The following LUZP2 variants were observed in gnomAD, a reference collection of about 807,000 sequenced individuals.
LUZP2 encodes the protein leucine zipper protein 2.
In LUZP2, 52 loss-of-function variants were observed where a neutral mutation model predicts 51.6. The observed-to-expected ratio is 1.01, with a 90% CI of 0.81 to 1.27. The LOEUF is 1.27. Ranked by LOEUF, LUZP2 falls within the 50% of genes most tolerant of loss-of-function variation. The pLI is 0.00. For missense variants in LUZP2, 436 were observed against 395.4 expected (o/e 1.10, Z -0.87); for synonymous variants, 154 against 137.3 (o/e 1.12, Z -0.85).
At chr11:24,505,227 A>G (rs1009947027) in intron 1 of LUZP2, among the ~76,000 whole-genome samples, 5 of 152,228 alleles carry the variant, frequency 3.3e-5, no homozygotes, top group African/African-American at 9.6e-5. Flanking sequence ...TTCTGATTCA[A>G]AACATACTGT....
intron 9 of LUZP2, among the ~76,000 whole-genome samples, chr11:25,015,650 C>T (rs1857127195): frequency 6.6e-6 from 1 of 152,022 alleles, no homozygotes; most frequent in Non-Finnish European, 1.5e-5. Flanking sequence ...TTGTAAATAA[C>T]ACGACAGAGG....
Position 24,644,165 on chromosome 11 carries a change from A to G in LUZP2, c.63-85004A>G, listed in dbSNP as rs776199354. ...GAACGTGCTACAGTTAGTCTACCAC[A>G]CTTCTAGAAATTCACACTCTTTAGC... On this transcript the variant is annotated intron_variant, in intron 1 of 11. Coordinates refer to ENST00000336930, the MANE Select transcript of LUZP2 (RefSeq NM_001009909.4). Among the ~76,000 whole-genome samples, 66 of 152,128 alleles carry G rather than the reference A, an allele frequency of 4.3e-4. 1 individual carries two copies. The highest frequency in any genetic ancestry group is 3.7e-4 in the Non-Finnish European group (25 of 68,032).
rs145052746 is a variant in LUZP2 at position 24,707,770 on chromosome 11, C to T, written c.63-21399C>T. ...GTAAGGGTTGTTATATATAAAGTTT[C>T]GGTACCGCAAAAGAAATAGCACTCG... On this transcript the variant is annotated intron_variant, in intron 1 of 11. Coordinates refer to ENST00000336930, the MANE Select transcript of LUZP2 (RefSeq NM_001009909.4). 4.2e-3 allele frequency among the ~76,000 whole-genome samples: 642 copies of T among 152,188 alleles called. 8 individuals carry two copies. The highest frequency in any genetic ancestry group is 0.015 in the African/African-American group (607 of 41,532).
intron 10 of LUZP2, among the ~76,000 whole-genome samples, chr11:25,056,950 A>T (rs1391616274): frequency 6.6e-6 from 1 of 152,080 alleles, no homozygotes; most frequent in Admixed American, 6.5e-5. Flanking sequence ...AATACAAAAA[A>T]TTAGCTGGGC....
At position 24,983,816 on chromosome 11, in the gene LUZP2, A is replaced by ATTT. The variant is rs55772245; in HGVS notation, c.765+533_765+535dup. ...TTTTTTCCCAGACCTATTAAATTAGATTTTTTTTTTTTGAGTTAGACTCCA... is the reference window on the plus strand; with the variant it reads ...TTTTTTCCCAGACCTATTAAATTAGATTTTTTTTTTTTTTTGAGTTAGACTCCA... On this transcript the variant is annotated intron_variant, in intron 9 of 11. Coordinates refer to ENST00000336930, the MANE Select transcript of LUZP2 (RefSeq NM_001009909.4). Among the ~76,000 whole-genome samples, 300 of 146,020 alleles carry ATTT rather than the reference A, an allele frequency of 2.1e-3. 1 individual carries two copies. In the East Asian group the frequency reaches 0.025, roughly 12 times the overall value.
chr11:24,733,267 A>G (rs930280703), intron 3 of LUZP2, among the ~76,000 whole-genome samples: 1 of 151,810 alleles, frequency 6.6e-6, no homozygotes, highest in Non-Finnish European at 1.5e-5. Flanking sequence ...GTCTAATATT[A>G]AGAAAAACTT....
At chr11:24,638,752 G>A (rs992807814) in intron 1 of LUZP2, among the ~76,000 whole-genome samples, 24 of 151,402 alleles carry the variant, frequency 1.6e-4, no homozygotes, top group Non-Finnish European at 3.2e-4. Flanking sequence ...GGAACTGATT[G>A]TTTAAAAAAT....
intron 1 of LUZP2, among the ~76,000 whole-genome samples, chr11:24,633,695 T>C (rs1366494280): frequency 1.3e-5 from 2 of 151,924 alleles, no homozygotes; most frequent in Non-Finnish European, 2.9e-5. Flanking sequence ...AATGTTGACC[T>C]TTTATATATT....
intron 1 of LUZP2, among the ~76,000 whole-genome samples, chr11:24,538,308 C>A (rs1322869923): frequency 6.6e-6 from 1 of 151,358 alleles, no homozygotes; most frequent in East Asian, 1.9e-4. Flanking sequence ...TAAAAATTAG[C>A]TCCAAATGTT....
At chr11:24,913,146 A>C (rs2133799747) in intron 6 of LUZP2, among the ~76,000 whole-genome samples, 1 of 152,268 alleles carries the variant, frequency 6.6e-6, no homozygotes, top group Admixed American at 6.5e-5. Context: ...TTTTTTCATT[A>C]CCCTCCAAAA....
rs1294450206 is a variant in LUZP2 at position 24,983,199 on chromosome 11, C to T, written c.671C>T (p.Pro224Leu). ...LTSVFRDQPP[P>L]PLSLITSNPT... is the part of the protein sequence containing the mutation. ...TCTGTTTTCCGTGATCAGCCTCCTC[C>T]CCCTTTGAGTTTAATCACATCAAAT... Residue 224 changes from proline to leucine, a missense_variant, in exon 9 of 12, where the codon CCC (proline) becomes CTC (leucine). Physicochemically the swap from Pro to Leu is moderately conservative, Grantham distance 98. Coordinates refer to ENST00000336930, the MANE Select transcript of LUZP2 (RefSeq NM_001009909.4). 1.2e-6 allele frequency: 2 copies of T among 1,612,170 alleles called. No homozygotes were observed. The highest frequency in any genetic ancestry group is 1.7e-6 in the Non-Finnish European group (2 of 1,178,866).
chr11:24,819,056 A>T (rs1850277130), intron 5 of LUZP2, among the ~76,000 whole-genome samples: 1 of 152,126 alleles, frequency 6.6e-6, no homozygotes, highest in Admixed American at 6.6e-5. Flanking sequence ...TATAATAGAT[A>T]TACAGGGAAG....
At position 24,729,400 on chromosome 11, in the gene LUZP2, G is replaced by T. The variant is rs1382247844; in HGVS notation, c.180+114G>T. ...TAATGTGTTTCTGGGCTTGACCATG[G>T]TGGTTGTTACTTACTATTATATGTG... On this transcript the variant is annotated intron_variant, in intron 2 of 11. Coordinates refer to ENST00000336930, the MANE Select transcript of LUZP2 (RefSeq NM_001009909.4). 7.5e-6 allele frequency: 4 copies of T among 534,528 alleles called. No homozygotes were observed. The Admixed American group carries it at 1.2e-4, about 16-fold the overall frequency. 33.1% of individuals were successfully genotyped at this position (534,528 alleles called of 1,614,324 possible). A position where few individuals can be genotyped will look rare whatever the true frequency, so the allele number is the denominator to read the frequency against.
At chr11:24,614,425 A>C (rs971401348) in intron 1 of LUZP2, among the ~76,000 whole-genome samples, 2 of 151,982 alleles carry the variant, frequency 1.3e-5, no homozygotes, top group African/African-American at 2.4e-5. Flanking sequence ...GAAATATTCA[A>C]TTTATATCAT....
chr11:25,076,088 T>C (rs1475465472), intron 10 of LUZP2, among the ~76,000 whole-genome samples: 1 of 152,114 alleles, frequency 6.6e-6, no homozygotes, highest in African/African-American at 2.4e-5. Context: ...TCACAGCTCA[T>C]TGCAGCCTCA....
chr11:24,940,182 A>C (rs1485524370), intron 7 of LUZP2, among the ~76,000 whole-genome samples: 1 of 152,234 alleles, frequency 6.6e-6, no homozygotes, highest in Non-Finnish European at 1.5e-5. Flanking sequence ...TACTACTTTC[A>C]TATTTCTCTT....
chr11:24,738,410 A>C, intron 4 of LUZP2, 108 bp downstream of exon 4: 2 of 708,152 alleles, frequency 2.8e-6, no homozygotes, highest in Non-Finnish European at 4.9e-6. Context: ...TAAAAGTGAA[A>C]AGACAATAAA....
At chr11:25,041,923 T>A (rs910976723) in intron 9 of LUZP2, among the ~76,000 whole-genome samples, 2 of 152,200 alleles carry the variant, frequency 1.3e-5, no homozygotes, top group African/African-American at 4.8e-5. Context: ...GAACTGCGTG[T>A]GCGAGGGATC....
intron 5 of LUZP2, among the ~76,000 whole-genome samples, chr11:24,850,911 GCTCT>G (rs769995011): frequency 4.6e-5 from 7 of 151,484 alleles, no homozygotes; most frequent in Non-Finnish European, 8.9e-5. Flanking sequence ...TCATGATTTG[GCTCT>G]CTATTATTGG....
Sources: allele counts gnomAD v4.1 joint callset (sites outside exome capture counted in the v4.1 genomes callset), GRCh38; gene constraint gnomAD v4.1.1; transcripts MANE v1.5; gene names NCBI Gene and HGNC (gene_info 2026-07-23, HGNC 2026-07-21).